Variants in ZFP28 observed in about 807,000 individuals in gnomAD.
The protein encoded by ZFP28 is ZFP28 zinc finger protein.
ZFP28 carries 31 observed loss-of-function variants against 39.5 expected under a neutral mutation model. The ratio of observed to expected loss-of-function variants is 0.79; its 90% CI spans 0.59 to 1.06. The LOEUF is 1.06. ZFP28 is among the 50% of genes least tolerant of loss of function. ZFP28 has a pLI of 0.00. For synonymous variants in ZFP28, 400 were observed against 378.6 expected (o/e 1.06, Z -0.66); for missense variants, 925 against 1,048.4 (o/e 0.88, Z 1.63).
chr19:56,547,925 G>A lies in ZFP28; in HGVS notation c.523+23G>A, dbSNP rs1480152969. The A allele has an allele frequency of 6.2e-7, 1 of 1,612,948 alleles. No individual in the cohort carries two copies. The highest frequency in any genetic ancestry group is 1.7e-5 in the Admixed American group (1 of 60,012). On this transcript the variant is annotated intron_variant, in intron 4 of 7. Transcript: ENST00000301318. The surrounding 1 kb of genome is among the most constrained non-coding windows in gnomAD (Gnocchi z 4.6). The stretch of plus-strand genomic sequence containing the variant: ...CAGGTGAGTGTGGGAGAACCAGGTA[G>A]GGTGAGGCCACTGCTGGTCATAGTT...
In ZFP28 at chr19:56,547,236, T is replaced by C. The variant is rs4801334; in HGVS notation, c.301-272T>C. ...GTCTTCTCTCTGTGTCCTCACGTGG[T>C]CTTTTCCCTGTGCCTGCACACCGTG... On this transcript the variant is annotated intron_variant, in intron 2 of 7. Transcript: ENST00000301318. The surrounding 1 kb of genome is among the most constrained non-coding windows in gnomAD (Gnocchi z 4.6). The C allele has an allele frequency of 0.49, 194,089 of 395,548 alleles. 50,164 individuals carry two copies. Among genetic ancestry groups the C allele is most frequent in the African/African-American group, 0.7 (33,390 of 47,648 alleles). The allele number at this position is 395,548 out of a possible 1,614,324, so 24.5% of individuals were successfully genotyped here. A position where few individuals can be genotyped will look rare whatever the true frequency, so the allele number is the denominator to read the frequency against.
In ZFP28 at chr19:56,554,897, G is replaced by C. The variant is rs770534930; in HGVS notation, c.2112G>C (p.Met704Ile). Residue 704 changes from methionine to isoleucine, a missense_variant, in exon 8 of 8, where the codon ATG (methionine) becomes ATC (isoleucine). Physicochemically the swap from Met to Ile is conservative, Grantham distance 10. Transcript: ENST00000301318. This position sits in a 1 kb window ranked among gnomAD's most constrained non-coding sequence, Gnocchi z 6.7. ...CTGGTGAGAAACCCTATAAATGTAT[G>C]GAATGTGGGAAGGCCTTTGGTGATA... ...VHTGEKPYKC[M>I]ECGKAFGDNS... 1.7e-5 allele frequency: 28 copies of C among 1,613,812 alleles called. No homozygotes were observed. In the Middle Eastern group the frequency reaches 4.9e-4, roughly 28 times the overall value.
rs2044348141 is a variant in ZFP28 at position 56,556,059 on chromosome 19, A to C, written c.*667A>C. 6.6e-6 allele frequency: 1 copy of C among 152,382 alleles called. No individual in the cohort carries two copies. Among genetic ancestry groups the C allele is most frequent in the Middle Eastern group, 3.4e-3 (1 of 294 alleles). The allele number at this position is 152,382 out of a possible 1,614,324, so 9.4% of individuals were successfully genotyped here. A position where few individuals can be genotyped will look rare whatever the true frequency, so the allele number is the denominator to read the frequency against. On this transcript the variant is annotated 3_prime_UTR_variant, in exon 8 of 8. Transcript: ENST00000301318. Reference sequence around the variant, plus strand: ...CACATTTATAAGTGAACCGTATTAAAACTTTTAAGGAACCATTCATTGTGA... The same window carrying C: ...CACATTTATAAGTGAACCGTATTAACACTTTTAAGGAACCATTCATTGTGA...
chr19:56,551,609 G>C, intron 7 of ZFP28: 6 of 985,254 alleles, frequency 6.1e-6, no homozygotes, highest in Non-Finnish European at 7.2e-6. Flanking sequence ...GGCTCTGAAA[G>C]TTTTTTTGTT....
Position 56,547,829 on chromosome 19 carries a change from T to A in ZFP28, c.450T>A (p.Asp150Glu), listed in dbSNP as rs199710693. The A allele has an allele frequency of 9.2e-5, 148 of 1,614,126 alleles. 1 individual carries two copies. In the South Asian group the frequency reaches 1.4e-3, roughly 16 times the overall value. ...TAGGACTTTGTGTTTCTAAGCCCGA[T>A]GTGATCTCCTCGTTGGAACAAGGAA... is the stretch of plus-strand genomic sequence containing the variant. ...ASLGLCVSKP[D>E]VISSLEQGKE... The change falls in exon 4 of 8, where the codon GAT becomes GAA. Residue 150 changes from aspartate (D) to glutamate (E), a missense_variant. Coordinates refer to ENST00000301318, the MANE Select transcript of ZFP28 (RefSeq NM_020828.2). This position sits in a 1 kb window ranked among gnomAD's most constrained non-coding sequence, Gnocchi z 4.6.
chr19:56,554,124 C>G lies in ZFP28; in HGVS notation c.1339C>G (p.Pro447Ala), dbSNP rs757898862. 3.7e-6 allele frequency: 6 copies of G among 1,614,178 alleles called. No individual in the cohort carries two copies. The highest frequency in any genetic ancestry group is 5.1e-6 in the Non-Finnish European group (6 of 1,180,038). Residue 447 changes from proline (P) to alanine (A), a missense_variant, in exon 8 of 8, where the codon CCT becomes GCT. Around this residue, in one of 2 missense-constraint regions of ZFP28, gnomAD observed 556 missense variants for 542.9 expected, o/e 1.02. Coordinates refer to ENST00000301318, the MANE Select transcript of ZFP28 (RefSeq NM_020828.2). This position sits in a 1 kb window ranked among gnomAD's most constrained non-coding sequence, Gnocchi z 6.7. ...VHQRIHTGEK[P>A]YKCNECGKAF... Reference sequence around the variant, plus strand: ...TCAGAGAATTCACACTGGAGAGAAACCTTATAAATGTAATGAATGTGGGAA... The same window carrying G: ...TCAGAGAATTCACACTGGAGAGAAAGCTTATAAATGTAATGAATGTGGGAA...
intron 5 of ZFP28, 54 bp downstream of exon 5, chr19:56,549,175 C>A (rs977691418): frequency 6.4e-7 from 1 of 1,554,184 alleles, no homozygotes; most frequent in South Asian, 1.2e-5. Flanking sequence ...TGAGGAAACT[C>A]TTCTTGAGGG....
At chr19:56,545,929 A>G (rs2147952827) in intron 2 of ZFP28, 1 of 152,354 alleles carries the variant, frequency 6.6e-6, no homozygotes, top group South Asian at 2.1e-4. Context: ...CTGGGTGAGG[A>G]CTGCCTGAAA....
intron 2 of ZFP28, chr19:56,545,485 C>T (rs923838876): frequency 1.9e-4 from 29 of 152,166 alleles, no homozygotes; most frequent in African/African-American, 6.3e-4. Flanking sequence ...AGGTTCAGCT[C>T]TTGGTTGGTG....
At chr19:56,543,847 G>C (rs924813235) in intron 2 of ZFP28, among the ~76,000 whole-genome samples, 1 of 152,170 alleles carries the variant, frequency 6.6e-6, no homozygotes, top group Non-Finnish European at 1.5e-5. Flanking sequence ...TTGTTTCACT[G>C]TCAGGGTGAA....
At position 56,547,987 on chromosome 19, in the gene ZFP28, T is replaced by G; in HGVS notation, c.523+85T>G. 5.0e-5 allele frequency: 63 copies of G among 1,255,808 alleles called. No homozygotes were observed. The highest frequency in any genetic ancestry group is 6.9e-5 in the Non-Finnish European group (61 of 887,536). 77.8% of individuals were successfully genotyped at this position (1,255,808 alleles called of 1,614,324 possible). On this transcript the variant is annotated intron_variant, in intron 4 of 7. Coordinates refer to ENST00000301318, the MANE Select transcript of ZFP28 (RefSeq NM_020828.2). The surrounding 1 kb of genome is among the most constrained non-coding windows in gnomAD (Gnocchi z 4.6). ...GACACGCAACATCTTCAGCAGACTC[T>G]TCCTAAGCCTCTTGCTTAGGAATAT...
At chr19:56,542,756 AT>A (rs1213653725) in intron 2 of ZFP28, among the ~76,000 whole-genome samples, 1 of 141,292 alleles carries the variant, frequency 7.1e-6, no homozygotes, top group African/African-American at 2.6e-5. Context: ...TTCGTCCCTG[AT>A]TTTTTTATTT....
Position 56,554,242 on chromosome 19 carries a change from T to A in ZFP28, c.1457T>A (p.Ile486Lys). ...YECIECGKAF[I>K]QNTSLIRHWR... is the part of the protein sequence containing the mutation. ...TGCATTGAGTGTGGGAAAGCTTTCA[T>A]ACAGAACACATCCCTTATCCGTCAC... Residue 486 changes from isoleucine to lysine, a missense_variant, in exon 8 of 8, where the codon ATA (isoleucine) becomes AAA (lysine). Transcript: ENST00000301318. This position sits in a 1 kb window ranked among gnomAD's most constrained non-coding sequence, Gnocchi z 6.7. The A allele has an allele frequency of 6.2e-7, 1 of 1,614,116 alleles. No individual in the cohort carries two copies. The highest frequency in any genetic ancestry group is 1.7e-5 in the Admixed American group (1 of 60,016).
chr19:56,554,055 G>T lies in ZFP28; in HGVS notation c.1270G>T (p.Glu424Ter). 1.2e-6 allele frequency: 2 copies of T among 1,614,152 alleles called. No individual in the cohort carries two copies. The highest frequency in any genetic ancestry group is 1.7e-6 in the Non-Finnish European group (2 of 1,180,028). Residue 424 changes from glutamate to a stop codon, truncating the protein, a stop_gained, in exon 8 of 8, where the codon GAA (glutamate) becomes TAA (stop). Transcript: ENST00000301318. LOFTEE classifies it low-confidence loss of function (END_TRUNC). The surrounding 1 kb of genome is among the most constrained non-coding windows in gnomAD (Gnocchi z 6.7). ...YAGKKLFKCNECKKTFTQSSS... is the reference protein window; with the variant it reads ...YAGKKLFKCN ...AGGAAAAAAGCTTTTCAAGTGTAAT[G>T]AATGTAAGAAAACTTTTACCCAGAG...
At chr19:56,550,466 TG>T (rs746832802) in intron 6 of ZFP28, 43 bp from the exon 7 acceptor site, 8 of 1,543,806 alleles carry the variant, frequency 5.2e-6, no homozygotes, top group Non-Finnish European at 7.1e-6. Context: ...AATTTTAGGA[TG>T]CCAAGACTAT....
Position 56,556,764 on chromosome 19 carries a change from A to C in ZFP28, c.*1372A>C, listed in dbSNP as rs1600554741. On this transcript the variant is annotated 3_prime_UTR_variant, in exon 8 of 8. Transcript: ENST00000301318. Reference sequence around the variant, plus strand: ...GGAAATTATTAAACTATATTGAAAAATAAAGATGTCAATAAAAGGAGAAAT... The same window carrying C: ...GGAAATTATTAAACTATATTGAAAACTAAAGATGTCAATAAAAGGAGAAAT... The C allele has an allele frequency of 6.6e-6, 1 of 152,364 alleles. No homozygotes were observed. The highest frequency in any genetic ancestry group is 1.5e-5 in the Non-Finnish European group (1 of 68,034). The allele number at this position is 152,364 out of a possible 1,614,324, so 9.4% of individuals were successfully genotyped here.
chr19:56,542,574 TGTCTC>T (rs2044205106), intron 2 of ZFP28, among the ~76,000 whole-genome samples: 1 of 152,246 alleles, frequency 6.6e-6, no homozygotes, highest in Non-Finnish European at 1.5e-5. Flanking sequence ...CAGTTTCTCT[TGTCTC>T]ATTTCCTTAC....
Position 56,554,738 on chromosome 19 carries a change from T to C in ZFP28, c.1953T>C (p.Ser651=), listed in dbSNP as rs773287913. The change falls in exon 8 of 8, where the codon AGT becomes AGC. Residue 651 remains serine, a synonymous_variant. Transcript: ENST00000301318. The surrounding 1 kb of genome is among the most constrained non-coding windows in gnomAD (Gnocchi z 6.7). ...AGCCCTATGAATGTAAGGTTTGTAG[T>C]AAAGCGTTCACCCAGAAGGCTCACC... ...GEKPYECKVC[S]KAFTQKAHLA... The C allele has an allele frequency of 8.7e-6, 14 of 1,613,942 alleles. No individual in the cohort carries two copies. In the East Asian group the frequency reaches 2.7e-4, roughly 31 times the overall value.
chr19:56,552,844 TCTC>T (rs1364312560), intron 7 of ZFP28: 3 of 152,296 alleles, frequency 2.0e-5, no homozygotes, highest in Non-Finnish European at 2.9e-5. Context: ...TTTCTTTCCT[TCTC>T]ATTTTTCCCT....
Sources: allele counts gnomAD v4.1 joint callset (sites outside exome capture counted in the v4.1 genomes callset), GRCh38; gene constraint gnomAD v4.1.1; regional missense constraint gnomAD v4.1.1; non-coding constraint Gnocchi (gnomAD v3.1); transcripts MANE v1.5; gene names NCBI Gene and HGNC (gene_info 2026-07-23, HGNC 2026-07-21).